MTFR1: variants seen among roughly 807,000 people sequenced by gnomAD.
MTFR1 encodes mitochondrial fission regulator 1, also known as chondrocyte protein with a poly-proline region.
MTFR1 carries 28 observed loss-of-function variants against 38.8 expected under a neutral mutation model. That is an observed-to-expected ratio of 0.72 (90% CI 0.53 to 0.99). MTFR1 has a LOEUF of 0.99. Ranked by LOEUF, MTFR1 falls within the 50% of genes least tolerant of loss-of-function variation. MTFR1 has a pLI of 0.00. For synonymous variants in MTFR1, 145 were observed against 137.0 expected (o/e 1.06, Z -0.41); for missense variants, 358 against 395.5 (o/e 0.91, Z 0.81).
At chr8:65,763,916 A>G (rs1808637772) in intron 3 of MTFR1, among the ~76,000 whole-genome samples, 1 of 152,246 alleles carries the variant, frequency 6.6e-6, no homozygotes, top group Admixed American at 6.5e-5. Context: ...AATTTATGCT[A>G]TCGAGTTAAG....
intron 3 of MTFR1, chr8:65,727,363 C>T: frequency 4.4e-6 from 7 of 1,592,592 alleles, no homozygotes; most frequent in Non-Finnish European, 6.0e-6. Context: ...TACGCCATCA[C>T]AGTAGTTTTG....
chr8:65,695,620 G>A (rs1340748778), intron 4 of MTFR1, among the ~76,000 whole-genome samples: 1 of 152,212 alleles, frequency 6.6e-6, no homozygotes, highest in African/African-American at 2.4e-5. Flanking sequence ...ACTTCTCAGA[G>A]TGCTGGGATT....
intron 2 of MTFR1, among the ~76,000 whole-genome samples, chr8:65,677,513 G>A (rs2129052718): frequency 6.6e-6 from 1 of 150,612 alleles, no homozygotes. Context: ...CTCCTGAGTA[G>A]CTGGGATTAC....
At chr8:65,745,275 G>A in intron 3 of MTFR1, 1 of 668,456 alleles carries the variant, frequency 1.5e-6, no homozygotes, top group Non-Finnish European at 2.7e-6. Flanking sequence ...TGTGAAAATG[G>A]ACTAATACAC....
chr8:65,666,026 C>T (rs547283874), intron 1 of MTFR1, among the ~76,000 whole-genome samples: 3 of 152,310 alleles, frequency 2.0e-5, no homozygotes, highest in African/African-American at 7.2e-5. Flanking sequence ...AAGTCCAGAG[C>T]CTTCATACTT....
chr8:65,690,762 C>T (rs1805252322), intron 3 of MTFR1, among the ~76,000 whole-genome samples: 1 of 152,132 alleles, frequency 6.6e-6, no homozygotes, highest in Admixed American at 6.6e-5. Flanking sequence ...TCAGATTGAT[C>T]ATCTCATGAA....
chr8:65,656,781 A>G (rs1411467212), intron 1 of MTFR1, among the ~76,000 whole-genome samples: 1 of 151,556 alleles, frequency 6.6e-6, no homozygotes, highest in Non-Finnish European at 1.5e-5. Context: ...GATTACAACT[A>G]TAAGCCACCA....
At chr8:65,682,628 T>C (rs1465347820) in intron 3 of MTFR1, 177 bp downstream of exon 3, 1 of 534,786 alleles carries the variant, frequency 1.9e-6, no homozygotes, top group African/African-American at 2.1e-5. Context: ...AGTTTCTCTG[T>C]GACGTGATTG....
intron 5 of MTFR1, among the ~76,000 whole-genome samples, chr8:65,706,168 C>A (rs1307397969): frequency 6.6e-6 from 1 of 152,150 alleles, no homozygotes; most frequent in Admixed American, 6.5e-5. Context: ...CTGTAACTTG[C>A]TAAAATTCTC....
At chr8:65,712,549 T>C (rs1805978087), downstream of MTFR1, among the ~76,000 whole-genome samples, 1 of 152,222 alleles carries the variant, frequency 6.6e-6, no homozygotes, top group African/African-American at 2.4e-5. Flanking sequence ...AGAATAGCCA[T>C]AGTAACCTTT....
At chr8:65,759,220 G>A (rs1238090868) in intron 3 of MTFR1, among the ~76,000 whole-genome samples, 1 of 152,224 alleles carries the variant, frequency 6.6e-6, no homozygotes, top group African/African-American at 2.4e-5. Context: ...CAGTCAGCCA[G>A]TGATGTGGCA....
chr8:65,699,775 T>G (rs771713391), intron 4 of MTFR1, among the ~76,000 whole-genome samples: 1 of 152,242 alleles, frequency 6.6e-6, no homozygotes, highest in African/African-American at 2.4e-5. Flanking sequence ...CTTCTGTGTT[T>G]ATAACTTACA....
chr8:65,681,621 A>G (rs899608087), intron 2 of MTFR1, among the ~76,000 whole-genome samples: 2 of 149,150 alleles, frequency 1.3e-5, no homozygotes, highest in African/African-American at 2.5e-5. Flanking sequence ...TCAAGGTACA[A>G]TTTATAATGA....
At chr8:65,734,274 C>G (rs1585842134) in intron 3 of MTFR1, among the ~76,000 whole-genome samples, 1 of 152,178 alleles carries the variant, frequency 6.6e-6, no homozygotes, top group Admixed American at 6.5e-5. Context: ...TTCACCACCA[C>G]ATCCTGTTCA....
chr8:65,770,351 AAGGCAAAAGCCACGTCTTACCTGGCAGC>A (rs1334554296), intron 3 of MTFR1, among the ~76,000 whole-genome samples: 1 of 152,236 alleles, frequency 6.6e-6, no homozygotes, highest in Non-Finnish European at 1.5e-5. Flanking sequence ...ATCAGGGCAG[AAGGCAAAAGCCACGTCTTACCTGGCAGC>A]AGGCAAGGGT....
At chr8:65,731,799 T>C (rs1164840779) in intron 3 of MTFR1, among the ~76,000 whole-genome samples, 1 of 152,148 alleles carries the variant, frequency 6.6e-6, no homozygotes, top group Non-Finnish European at 1.5e-5. Flanking sequence ...GTATAAAAAC[T>C]GAAAACAAAT....
At chr8:65,774,781 T>C (rs540177381), downstream of MTFR1, among the ~76,000 whole-genome samples, 8 of 152,190 alleles carry the variant, frequency 5.3e-5, no homozygotes, top group Admixed American at 1.3e-4. Context: ...AAAATAACTA[T>C]ATTTTCCAAA....
intron 1 of MTFR1, among the ~76,000 whole-genome samples, chr8:65,666,606 G>A (rs920465219): frequency 1.3e-5 from 2 of 152,192 alleles, no homozygotes; most frequent in East Asian, 1.9e-4. Context: ...TCTACAAATA[G>A]AAGATAATTT....
chr8:65,717,382 A>C (rs559794853), intron 2 of MTFR1: 1 of 152,364 alleles, frequency 6.6e-6, no homozygotes, highest in South Asian at 2.1e-4. Flanking sequence ...ATTGATAGAA[A>C]TAAATACAAC....
Sources: allele counts gnomAD v4.1 joint callset (sites outside exome capture counted in the v4.1 genomes callset), GRCh38; gene constraint gnomAD v4.1.1; transcripts MANE v1.5; gene names NCBI Gene and HGNC (gene_info 2026-07-23, HGNC 2026-07-21).